RHBDL2: variants seen among roughly 807,000 people sequenced by gnomAD.
RHBDL2 encodes rhomboid like 2, also known as rhomboid-related protein 2.
Under a neutral mutation model 31.7 loss-of-function variants are expected in RHBDL2, and 26 were observed. That is an observed-to-expected ratio of 0.82 (90% CI 0.60 to 1.14). The LOEUF is 1.14. Ranked by LOEUF, RHBDL2 falls within the 50% of genes most tolerant of loss-of-function variation. RHBDL2 has a pLI of 0.00. For missense variants in RHBDL2, 336 were observed against 364.4 expected (o/e 0.92, Z 0.63); for synonymous variants, 123 against 127.2 (o/e 0.97, Z 0.22).
intron 4 of RHBDL2, among the ~76,000 whole-genome samples, chr1:38,901,775 T>G (rs1642992934): frequency 2.0e-5 from 3 of 151,288 alleles, no homozygotes; most frequent in Admixed American, 2.0e-4. Flanking sequence ...CAGGTTGCAG[T>G]GAGCTGAGAT....
At chr1:38,912,910 A>ATATATGTGTGTGTGTGTGTG (rs1399583863) in intron 3 of RHBDL2, among the ~76,000 whole-genome samples, 8 of 41,372 alleles carry the variant, frequency 1.9e-4, no homozygotes, top group African/African-American at 7.3e-4. Context: ...ATATATATAT[A>ATATATGTGTGTGTGTGTGTG]TGTGTGTGTG....
At chr1:38,902,869 T>C (rs2124314812) in intron 4 of RHBDL2, among the ~76,000 whole-genome samples, 1 of 152,228 alleles carries the variant, frequency 6.6e-6, no homozygotes, top group Non-Finnish European at 1.5e-5. Context: ...ACAGTTAAAC[T>C]AGATATTAAC....
chr1:38,897,997 G>A (rs1004817916), intron 4 of RHBDL2, among the ~76,000 whole-genome samples: 3 of 152,162 alleles, frequency 2.0e-5, no homozygotes, highest in African/African-American at 2.4e-5. Flanking sequence ...CGGGCATGGT[G>A]GCAGACACCT....
chr1:38,917,057 G>A lies in RHBDL2; in HGVS notation c.247-1347C>T, dbSNP rs184569973. On this transcript the variant is annotated intron_variant, in intron 2 of 7. Transcript: ENST00000372990. ...TTTTGAGATGGAGTCTTGCTCTGTA[G>A]CCCAGGCTGGAGTGCAGTGGCGTGA... is the stretch of plus-strand genomic sequence containing the variant. Among the ~76,000 whole-genome samples the A allele has an allele frequency of 1.4e-3, 181 of 131,386 alleles. 1 individual carries two copies. The highest frequency in any genetic ancestry group is 4.9e-3 in the African/African-American group (172 of 35,324). 86.2% of individuals were successfully genotyped at this position (131,386 alleles called of 152,430 possible). A position where few individuals can be genotyped will look rare whatever the true frequency, so the allele number is the denominator to read the frequency against.
intron 1 of RHBDL2, among the ~76,000 whole-genome samples, chr1:38,928,837 G>T (rs1206337898): frequency 6.6e-6 from 1 of 152,138 alleles, no homozygotes; most frequent in African/African-American, 2.4e-5. Context: ...GAGGCAGGAG[G>T]ATTGCTTGAG....
intron 1 of RHBDL2, among the ~76,000 whole-genome samples, chr1:38,924,569 G>A (rs1643351801): frequency 6.6e-6 from 1 of 151,794 alleles, no homozygotes; most frequent in South Asian, 2.1e-4. Context: ...ACTCCAGCCT[G>A]GGCGACAGAG....
At chr1:38,895,828 A>T (rs1244346730) in intron 5 of RHBDL2, 141 bp downstream of exon 5, 8 of 618,988 alleles carry the variant, frequency 1.3e-5, no homozygotes, top group Non-Finnish European at 2.0e-5. Flanking sequence ...AAAGAAAGGA[A>T]ACAAAATGGC....
chr1:38,897,903 G>T (rs1195398872), intron 4 of RHBDL2, among the ~76,000 whole-genome samples: 1 of 152,224 alleles, frequency 6.6e-6, no homozygotes. Context: ...GGCCATGGCA[G>T]GTGGATCAGC....
chr1:38,912,180 A>G (rs1013382492), intron 3 of RHBDL2, among the ~76,000 whole-genome samples: 1 of 152,142 alleles, frequency 6.6e-6, no homozygotes, highest in African/African-American at 2.4e-5. Flanking sequence ...CATGTTGGTC[A>G]GGCTGGCCTC....
At chr1:38,914,497 C>G (rs113166278) in intron 3 of RHBDL2, among the ~76,000 whole-genome samples, 3 of 151,966 alleles carry the variant, frequency 2.0e-5, no homozygotes, top group African/African-American at 7.2e-5. Flanking sequence ...CCACCTCAGC[C>G]TCCCAAAGTG....
At chr1:38,929,711 G>T in intron 1 of RHBDL2, 1 of 357,922 alleles carries the variant, frequency 2.8e-6, no homozygotes, top group Non-Finnish European at 3.9e-6. Flanking sequence ...CGGTGGTGTT[G>T]CTAGGCGCCT....
rs1334111441 is a variant in RHBDL2, at chr1:38,919,329, A to G, written c.-117T>C. On this transcript the variant is annotated 5_prime_UTR_variant, in exon 2 of 8. Coordinates refer to ENST00000372990, the MANE Select transcript of RHBDL2 (RefSeq NM_017821.5). ...TGTCTGGCGCAACGACTGCTTTCCAAGGCCTTTCCTGTATGTGAAGAGAAG... is the reference window on the plus strand; with the variant it reads ...TGTCTGGCGCAACGACTGCTTTCCAGGGCCTTTCCTGTATGTGAAGAGAAG... 1.3e-6 allele frequency: 2 copies of G among 1,594,890 alleles called. No individual in the cohort carries two copies. The highest frequency in any genetic ancestry group is 1.7e-6 in the Non-Finnish European group (2 of 1,173,512).
intron 4 of RHBDL2, among the ~76,000 whole-genome samples, chr1:38,898,643 G>A (rs1020374948): frequency 2.6e-5 from 4 of 152,138 alleles, no homozygotes; most frequent in Admixed American, 6.5e-5. Context: ...AGAATACAGC[G>A]CATGAAGCAG....
intron 5 of RHBDL2, among the ~76,000 whole-genome samples, chr1:38,895,008 G>T (rs1642899805): frequency 6.6e-6 from 1 of 151,922 alleles, no homozygotes; most frequent in Admixed American, 6.6e-5. Flanking sequence ...CCCGGCCAAG[G>T]GCATTTCTTA....
chr1:38,912,985 T>TGTA (rs780852288), intron 3 of RHBDL2, among the ~76,000 whole-genome samples: 29 of 139,810 alleles, frequency 2.1e-4, no homozygotes, highest in Middle Eastern at 3.6e-3. Flanking sequence ...TGTGTGTGTA[T>TGTA]TTTTTTTTTT....
intron 2 of RHBDL2, 106 bp from the exon 3 acceptor site, chr1:38,915,816 G>A (rs1557617425): frequency 6.8e-6 from 7 of 1,024,104 alleles, no homozygotes; most frequent in Non-Finnish European, 1.0e-5. Context: ...TCTCAAGTGG[G>A]CCACACCATA....
chr1:38,905,589 G>A (rs1287671166), intron 4 of RHBDL2, among the ~76,000 whole-genome samples: 6 of 141,502 alleles, frequency 4.2e-5, no homozygotes, highest in Admixed American at 7.0e-5. Flanking sequence ...GTCTCTACAG[G>A]AAAAAAAAAA....
chr1:38,895,999 C>A lies in RHBDL2; in HGVS notation c.579G>T (p.Leu193=). The stretch of plus-strand genomic sequence containing the variant: ...GAACATTCATAAAATAGCCTCCCAT[C>A]AGAGCATAGACTCCTCCTGAAGCTC... ...LVGASGGVYA[L]MGGYFMNVLV... is the part of the protein sequence containing the mutation. Residue 193 remains leucine (L), a synonymous_variant, in exon 5 of 8, where the codon CTG becomes CTT. Transcript: ENST00000372990. 1 of 1,613,610 alleles carries A rather than the reference C, an allele frequency of 6.2e-7. No homozygotes were observed. The highest frequency in any genetic ancestry group is 8.5e-7 in the Non-Finnish European group (1 of 1,179,656).
At position 38,890,954 on chromosome 1, in the gene RHBDL2, G is replaced by T. The variant is rs76575882; in HGVS notation, c.670+2210C>A. 4.7e-3 allele frequency among the ~76,000 whole-genome samples: 714 copies of T among 152,116 alleles called. 7 individuals are homozygous for T. Among genetic ancestry groups the T allele is most frequent in the African/African-American group, 0.016 (675 of 41,508 alleles). On this transcript the variant is annotated intron_variant, in intron 6 of 7. Coordinates refer to ENST00000372990, the MANE Select transcript of RHBDL2 (RefSeq NM_017821.5). Reference sequence around the variant, plus strand: ...TGAAGGAATGTTTTTTAGGGCAATTGCCATTTACAATTAAGAAGAATATTT... The same window carrying T: ...TGAAGGAATGTTTTTTAGGGCAATTTCCATTTACAATTAAGAAGAATATTT...
Sources: gnomAD v4.1 joint callset for allele counts (sites outside exome capture counted in the v4.1 genomes callset) on GRCh38, gnomAD v4.1.1 for gene constraint, MANE v1.5 for transcripts, NCBI Gene and HGNC (gene_info 2026-07-23, HGNC 2026-07-21) for gene names.